NTRK3: variants seen among roughly 807,000 people sequenced by gnomAD.
NTRK3 encodes NT-3 growth factor receptor.
In NTRK3, 24 loss-of-function variants were observed where a neutral mutation model predicts 91.7. The ratio of observed to expected loss-of-function variants is 0.26; its 90% CI spans 0.19 to 0.37. NTRK3 has a LOEUF of 0.37. NTRK3 is among the 10% of genes least tolerant of loss of function. NTRK3 has a pLI of 1.00. For missense variants in NTRK3, 880 were observed against 1,068.9 expected, an observed-to-expected ratio of 0.82 and a Z score of 2.46; for synonymous variants, 483 against 404.0, an observed-to-expected ratio of 1.20 and a Z score of -2.34.
At chr15:88,116,108 C>A (rs1277865913) in intron 13 of NTRK3, among the ~76,000 whole-genome samples, 1 of 152,122 alleles carries the variant, frequency 6.6e-6, no homozygotes, top group African/African-American at 2.4e-5. Flanking sequence ...TCAGTGGGGG[C>A]AACAGTGTTG....
chr15:87,931,556 C>T (rs2043516), intron 16 of NTRK3, among the ~76,000 whole-genome samples: 32,893 of 152,124 alleles, frequency 0.22, 3,702 homozygotes, highest in South Asian at 0.27. Context: ...ATAACTTGCT[C>T]CAATTTGCAA....
intron 17 of NTRK3, among the ~76,000 whole-genome samples, chr15:87,889,122 A>G (rs1004455041): frequency 1.4e-4 from 22 of 152,148 alleles, no homozygotes; most frequent in Non-Finnish European, 2.9e-5. Context: ...CTATAAACAC[A>G]GCTCTGCTAC....
chr15:87,871,451 G>C, exon 19 of NTRK3: 1 of 230,544 alleles, frequency 4.3e-6, no homozygotes, highest in Non-Finnish European at 8.6e-6. Context: ...CATTCTCTCT[G>C]TCTCACCCCT....
intron 13 of NTRK3, among the ~76,000 whole-genome samples, chr15:88,092,895 C>A (rs1027826910): frequency 3.3e-5 from 5 of 152,140 alleles, no homozygotes; most frequent in African/African-American, 1.2e-4. Context: ...CACATTCTTG[C>A]CTTCAGGACC....
chr15:87,889,396 C>CTTTTTTTTTTTTTTTTTT (rs568030482), intron 17 of NTRK3, among the ~76,000 whole-genome samples: 1 of 95,632 alleles, frequency 1.0e-5, no homozygotes, highest in African/African-American at 4.9e-5. Context: ...TTATTAGTTC[C>CTTTTTTTTTTTTTTTTTT]TTTTTTTTTT....
At chr15:88,193,459 A>G (rs539125837) in intron 3 of NTRK3, among the ~76,000 whole-genome samples, 134 of 152,098 alleles carry the variant, frequency 8.8e-4, no homozygotes, top group Non-Finnish European at 1.6e-3. Context: ...AGGGCCCTAC[A>G]CACCAAACGA....
In NTRK3 at chr15:88,083,006, C is replaced by T. The variant is rs566830345; in HGVS notation, c.1396+43265G>A. ...GAGGGAAGGATAAAAACTTCAAGGC[C>T]AACATACTTTGGAATGTCTGGATGA... On this transcript the variant is annotated intron_variant, in intron 13 of 18. Transcript: ENST00000394480. Among the ~76,000 whole-genome samples the T allele has an allele frequency of 4.6e-5, 7 of 152,264 alleles. No homozygotes were observed. The South Asian group carries it at 1.0e-3, about 23-fold the overall frequency.
At chr15:88,197,541 G>A (rs2047940913) in intron 3 of NTRK3, among the ~76,000 whole-genome samples, 1 of 152,184 alleles carries the variant, frequency 6.6e-6, no homozygotes, top group African/African-American at 2.4e-5. Context: ...CTGAGGAGAA[G>A]GGACTATAAA....
chr15:88,030,344 T>C (rs2078411368), intron 14 of NTRK3, among the ~76,000 whole-genome samples: 1 of 152,296 alleles, frequency 6.6e-6, no homozygotes, highest in Admixed American at 6.5e-5. Flanking sequence ...TGGCTATGCT[T>C]TGTTTTGACA....
chr15:88,153,279 G>A (rs1444325380), intron 5 of NTRK3, among the ~76,000 whole-genome samples: 1 of 151,766 alleles, frequency 6.6e-6, no homozygotes, highest in Non-Finnish European at 1.5e-5. Flanking sequence ...TTTCACTCTT[G>A]TTGCCCAGGC....
intron 5 of NTRK3, among the ~76,000 whole-genome samples, chr15:88,168,717 G>A (rs1447526507): frequency 1.5e-5 from 2 of 132,296 alleles, no homozygotes; most frequent in Non-Finnish European, 3.1e-5. Flanking sequence ...AAGAACCAAG[G>A]TGCCCTTTTA....
At chr15:87,977,060 A>G (rs1461213) in intron 14 of NTRK3, among the ~76,000 whole-genome samples, 103,865 of 152,054 alleles carry the variant, frequency 0.68, 36,591 homozygotes, top group African/African-American at 0.87. Flanking sequence ...TAGAAGTCAG[A>G]TTTGAATCTT....
chr15:88,219,193 C>A (rs948710824), intron 3 of NTRK3, among the ~76,000 whole-genome samples: 1 of 152,236 alleles, frequency 6.6e-6, no homozygotes. Context: ...GTCCAACTTC[C>A]CCCTTCAATA....
exon 19 of NTRK3, chr15:87,860,685 C>A (rs749717120): frequency 9.6e-6 from 2 of 208,820 alleles, no homozygotes; most frequent in East Asian, 7.2e-5. Context: ...GGAGGAGATA[C>A]GATTAGTAAA....
At chr15:87,904,176 G>A (rs746687759) in intron 17 of NTRK3, among the ~76,000 whole-genome samples, 77 of 149,688 alleles carry the variant, frequency 5.1e-4, no homozygotes, top group Non-Finnish European at 8.4e-4. Flanking sequence ...TTTTGAGACG[G>A]AGTCTTGCCC....
intron 17 of NTRK3, among the ~76,000 whole-genome samples, chr15:87,885,458 AAAT>A (rs966325706): frequency 1.3e-5 from 2 of 151,958 alleles, no homozygotes; most frequent in African/African-American, 4.8e-5. Flanking sequence ...GATATACTTG[AAAT>A]AGAACAATAC....
intron 17 of NTRK3, among the ~76,000 whole-genome samples, chr15:87,911,954 T>A (rs1196387246): frequency 6.6e-6 from 1 of 152,186 alleles, no homozygotes; most frequent in East Asian, 1.9e-4. Context: ...ATTTTCACAA[T>A]AAACATTAAA....
At chr15:87,889,078 G>A (rs1042312266) in intron 17 of NTRK3, among the ~76,000 whole-genome samples, 5 of 152,130 alleles carry the variant, frequency 3.3e-5, no homozygotes, top group African/African-American at 1.2e-4. Context: ...GGGTGAATGT[G>A]GCAGAGAGGG....
chr15:88,004,729 G>A (rs561895489), intron 14 of NTRK3, among the ~76,000 whole-genome samples: 1 of 152,184 alleles, frequency 6.6e-6, no homozygotes, highest in African/African-American at 2.4e-5. Flanking sequence ...GCAGGTGTGG[G>A]AGAGTGTGAG....
Sources: gnomAD v4.1 joint callset for allele counts (sites outside exome capture counted in the v4.1 genomes callset) on GRCh38, gnomAD v4.1.1 for gene constraint, MANE v1.5 for transcripts, NCBI Gene and HGNC (gene_info 2026-07-23, HGNC 2026-07-21) for gene names.